The following DDX19B variants were observed in gnomAD, a reference collection of about 807,000 sequenced individuals.
DDX19B encodes DEAD-box helicase 19B.
A neutral mutation model predicts 58.1 loss-of-function variants in DDX19B; 27 were observed. The observed-to-expected ratio is 0.46, with a 90% CI of 0.34 to 0.64. The LOEUF is 0.64. Ranked by LOEUF, DDX19B falls within the 30% of genes least tolerant of loss-of-function variation. The pLI is 0.01. For synonymous variants in DDX19B, 187 were observed against 214.4 expected (o/e 0.87, Z 1.12); for missense variants, 399 against 596.5 (o/e 0.67, Z 3.45).
intron 1 of DDX19B, among the ~76,000 whole-genome samples, chr16:70,304,996 A>G (rs1961683935): frequency 6.6e-6 from 1 of 151,610 alleles, no homozygotes; most frequent in African/African-American, 2.4e-5. Flanking sequence ...GGCGTGTTTT[A>G]TCCATATATT....
chr16:70,293,586 G>A (rs990022167), upstream of DDX19B, among the ~76,000 whole-genome samples: 1 of 147,132 alleles, frequency 6.8e-6, no homozygotes, highest in African/African-American at 2.5e-5. Flanking sequence ...AAGTCAAATG[G>A]GGATGGCTGA....
upstream of DDX19B, chr16:70,290,025 A>G (rs1402320084): frequency 6.8e-6 from 2 of 296,036 alleles, no homozygotes; most frequent in Non-Finnish European, 1.4e-5. Flanking sequence ...TTGGATCAGC[A>G]TCTGGTCCTC....
chr16:70,322,261 G>A (rs1464302587), intron 5 of DDX19B, among the ~76,000 whole-genome samples: 2 of 152,044 alleles, frequency 1.3e-5, no homozygotes, highest in African/African-American at 4.8e-5. Context: ...TTTTGACAGG[G>A]AATCTAGATG....
Position 70,334,919 on chromosome 16 carries a change from T to C in DDX19B, c.*1337T>C, listed in dbSNP as rs888463908. On this transcript the variant is annotated 3_prime_UTR_variant, in exon 12 of 12. Coordinates refer to ENST00000288071, the MANE Select transcript of DDX19B (RefSeq NM_007242.7). ...ACTCTGCAGTTCTTTGGCTTTGGTA[T>C]AGAGTGGCCACTTTCTCTAGGACCT... 6.6e-6 allele frequency: 1 copy of C among 152,244 alleles called. No homozygotes were observed. Among genetic ancestry groups the C allele is most frequent in the Admixed American group, 6.5e-5 (1 of 15,280 alleles). The allele number at this position is 152,244 out of a possible 1,614,324, so 9.4% of individuals were successfully genotyped here. A position where few individuals can be genotyped will look rare whatever the true frequency, so the allele number is the denominator to read the frequency against.
At chr16:70,315,203 C>G (rs1425264116) in intron 3 of DDX19B, among the ~76,000 whole-genome samples, 1 of 148,016 alleles carries the variant, frequency 6.8e-6, no homozygotes, top group African/African-American at 2.5e-5. Flanking sequence ...GGTGAAAACC[C>G]GTCTCCACTA....
chr16:70,324,394 A>T (rs918998873), intron 5 of DDX19B, among the ~76,000 whole-genome samples, 191 bp from the exon 6 acceptor site: 1 of 149,076 alleles, frequency 6.7e-6, no homozygotes, highest in African/African-American at 2.5e-5. Context: ...AAAAAGAAGA[A>T]GATGTGGAGT....
chr16:70,311,272 C>T (rs766693387), intron 1 of DDX19B, among the ~76,000 whole-genome samples: 4 of 151,610 alleles, frequency 2.6e-5, no homozygotes, highest in Non-Finnish European at 5.9e-5. Flanking sequence ...CTCAGCTGCT[C>T]GGGAGGCTGA....
upstream of DDX19B, among the ~76,000 whole-genome samples, chr16:70,292,234 A>G (rs1285224796): frequency 1.3e-5 from 2 of 151,880 alleles, no homozygotes; most frequent in South Asian, 2.1e-4. Context: ...ATCTCGGCTC[A>G]TGTCAACATC....
intron 1 of DDX19B, among the ~76,000 whole-genome samples, chr16:70,306,762 C>T (rs1256457825): frequency 6.6e-6 from 1 of 152,168 alleles, no homozygotes; most frequent in Non-Finnish European, 1.5e-5. Flanking sequence ...TTAAAGTGTA[C>T]AGTTCACTGA....
intron 9 of DDX19B, 31 bp downstream of exon 9, chr16:70,330,099 CCTTCCCTCTCAGCCAG>C (rs775580411): frequency 2.5e-6 from 4 of 1,612,338 alleles, no homozygotes; most frequent in African/African-American, 2.7e-5. Flanking sequence ...CAGGCCTGGC[CCTTCCCTCTCAGCCAG>C]CTCCCCACAG....
chr16:70,301,517 G>A (rs1490238374), intron 1 of DDX19B, among the ~76,000 whole-genome samples: 1 of 151,996 alleles, frequency 6.6e-6, no homozygotes, highest in South Asian at 2.1e-4. Flanking sequence ...GTCTTGGTAT[G>A]GGTGTATTTT....
chr16:70,298,564 C>G (rs1961318392), upstream of DDX19B, among the ~76,000 whole-genome samples: 1 of 152,004 alleles, frequency 6.6e-6, no homozygotes, highest in African/African-American at 2.4e-5. Flanking sequence ...TCATGGCTCA[C>G]TGCAGCCTAG....
chr16:70,332,353 TGCAGTGGCACA>T (rs1963527114), intron 10 of DDX19B, among the ~76,000 whole-genome samples: 1 of 152,170 alleles, frequency 6.6e-6, no homozygotes, highest in South Asian at 2.1e-4. Flanking sequence ...CAGGCTGGAG[TGCAGTGGCACA>T]ATCTCAGCTC....
chr16:70,315,091 T>C (rs1267202167), intron 3 of DDX19B, 136 bp downstream of exon 3: 15 of 886,684 alleles, frequency 1.7e-5, no homozygotes, highest in Non-Finnish European at 1.0e-5. Context: ...AGGTTCAATA[T>C]AGGGGCCGGG....
At chr16:70,292,560 CA>C (rs1297408516), upstream of DDX19B, among the ~76,000 whole-genome samples, 2 of 152,180 alleles carry the variant, frequency 1.3e-5, no homozygotes, top group Non-Finnish European at 2.9e-5. Context: ...TTGTAGATGT[CA>C]ACTACATGCT....
chr16:70,328,714 TGTGCTATC>T, intron 7 of DDX19B, among the ~76,000 whole-genome samples: 2 of 152,226 alleles, frequency 1.3e-5, no homozygotes, highest in Middle Eastern at 6.8e-3. Context: ...GTCACCACAT[TGTGCTATC>T]AAATGCTAGA....
chr16:70,325,626 T>C lies in DDX19B; in HGVS notation c.545T>C (p.Ile182Thr), dbSNP rs777893383. 1 of 1,614,168 alleles carries C rather than the reference T, an allele frequency of 6.2e-7. No homozygotes were observed. Among genetic ancestry groups the C allele is most frequent in the Non-Finnish European group, 8.5e-7 (1 of 1,180,022 alleles). The change falls in exon 7 of 12, where the codon ATT (isoleucine) becomes ACT (threonine). Residue 182 changes from isoleucine to threonine, a missense_variant. Transcript: ENST00000288071. ...CTCGCCCTCCAAACAGGAAAAGTGA[T>C]TGAACAAATGGGCAAATTTTACCCT... ...YELALQTGKV[I>T]EQMGKFYPEL... is the part of the protein sequence containing the mutation.
chr16:70,295,760 G>A (rs1961193828), upstream of DDX19B, among the ~76,000 whole-genome samples: 1 of 152,076 alleles, frequency 6.6e-6, no homozygotes, highest in South Asian at 2.1e-4. Flanking sequence ...AGCTACTTGG[G>A]AAGCAGAGGC....
chr16:70,316,295 C>T (rs1342815877), intron 4 of DDX19B, among the ~76,000 whole-genome samples, 191 bp downstream of exon 4: 5 of 151,982 alleles, frequency 3.3e-5, no homozygotes, highest in Non-Finnish European at 4.4e-5. Context: ...CTGCAACCTC[C>T]GCCTCCTGGG....
Sources: allele counts gnomAD v4.1 joint callset (sites outside exome capture counted in the v4.1 genomes callset), GRCh38; gene constraint gnomAD v4.1.1; transcripts MANE v1.5; gene names NCBI Gene and HGNC (gene_info 2026-07-23, HGNC 2026-07-21).